Variants in NKAIN2 observed in about 807,000 individuals in gnomAD.
NKAIN2 encodes sodium/potassium-transporting ATPase subunit beta-1-interacting protein 2.
NKAIN2 carries 14 observed loss-of-function variants against 32.6 expected under a neutral mutation model. That is an observed-to-expected ratio of 0.43 (90% confidence interval 0.28 to 0.67). The LOEUF is 0.67. Among genes scored for constraint, NKAIN2 ranks in the 30% least tolerant of loss-of-function variants. NKAIN2 has a pLI of 0.17. For missense variants in NKAIN2, 198 were observed against 258.3 expected (o/e 0.77, Z 1.60); for synonymous variants, 80 against 87.2 (o/e 0.92, Z 0.46).
chr6:124,420,947 A>G (rs1774718023), intron 3 of NKAIN2, among the ~76,000 whole-genome samples: 2 of 152,008 alleles, frequency 1.3e-5, no homozygotes, highest in South Asian at 2.1e-4. Context: ...GCTGCAATAA[A>G]TATTTCACCA....
intron 1 of NKAIN2, among the ~76,000 whole-genome samples, chr6:124,005,862 C>G (rs959198758): frequency 1.3e-5 from 2 of 152,180 alleles, no homozygotes; most frequent in African/African-American, 4.8e-5. Context: ...CTAACCTTGT[C>G]AATTCCCCCT....
At chr6:124,595,608 T>C (rs1353334961) in intron 3 of NKAIN2, among the ~76,000 whole-genome samples, 1 of 152,182 alleles carries the variant, frequency 6.6e-6, no homozygotes, top group Non-Finnish European at 1.5e-5. Context: ...TGAAATTATT[T>C]TTTGCCAAGA....
At chr6:124,103,114 T>TA (rs1324579137) in intron 1 of NKAIN2, among the ~76,000 whole-genome samples, 2 of 152,128 alleles carry the variant, frequency 1.3e-5, no homozygotes, top group African/African-American at 4.8e-5. Context: ...ATCTGTAAAA[T>TA]AAAAATGTGG....
chr6:123,828,459 T>C (rs1387270439), intron 1 of NKAIN2, among the ~76,000 whole-genome samples: 1 of 152,110 alleles, frequency 6.6e-6, no homozygotes, highest in Non-Finnish European at 1.5e-5. Flanking sequence ...TTCTGGAAGG[T>C]TTCCCTTGAA....
intron 3 of NKAIN2, among the ~76,000 whole-genome samples, chr6:124,592,481 A>G (rs73573311): frequency 0.015 from 2,221 of 152,308 alleles, 50 homozygotes; most frequent in African/African-American, 0.05. Flanking sequence ...AATCTTTTGC[A>G]TAATTATTTT....
chr6:124,580,881 A>G (rs1374922463), intron 3 of NKAIN2, among the ~76,000 whole-genome samples: 3 of 152,228 alleles, frequency 2.0e-5, no homozygotes, highest in South Asian at 2.1e-4. Flanking sequence ...AAAACAAAAC[A>G]GAAATAGCTA....
chr6:123,883,066 G>A (rs1038432845), intron 1 of NKAIN2, among the ~76,000 whole-genome samples: 1 of 152,112 alleles, frequency 6.6e-6, no homozygotes, highest in Non-Finnish European at 1.5e-5. Flanking sequence ...GTAATCCCCA[G>A]TGTTGGAAGA....
At chr6:123,979,219 A>T (rs1198810597) in intron 1 of NKAIN2, among the ~76,000 whole-genome samples, 1 of 152,194 alleles carries the variant, frequency 6.6e-6, no homozygotes, top group Non-Finnish European at 1.5e-5. Flanking sequence ...ATTTTTAAAG[A>T]AATATTTTAA....
chr6:124,068,627 G>A (rs1052779093), intron 1 of NKAIN2, among the ~76,000 whole-genome samples: 4 of 151,976 alleles, frequency 2.6e-5, no homozygotes, highest in African/African-American at 9.7e-5. Context: ...GAGCCTAGCC[G>A]TGGCTAGCAG....
chr6:124,031,550 G>T (rs1384404271), intron 1 of NKAIN2, among the ~76,000 whole-genome samples: 2 of 152,096 alleles, frequency 1.3e-5, no homozygotes, highest in Non-Finnish European at 2.9e-5. Context: ...GACATTTAGT[G>T]CTATAAATTT....
At chr6:124,008,574 G>T (rs1320466830) in intron 1 of NKAIN2, among the ~76,000 whole-genome samples, 1 of 152,100 alleles carries the variant, frequency 6.6e-6, no homozygotes, top group Non-Finnish European at 1.5e-5. Flanking sequence ...CCTCCGAGAA[G>T]ACCAGCCTTG....
intron 1 of NKAIN2, among the ~76,000 whole-genome samples, chr6:124,079,136 A>G (rs201455717): frequency 6.6e-6 from 1 of 152,062 alleles, no homozygotes; most frequent in Non-Finnish European, 1.5e-5. Flanking sequence ...AGCCTGGCCA[A>G]CATGGTGAAA....
At chr6:124,450,160 C>T (rs902866221) in intron 3 of NKAIN2, among the ~76,000 whole-genome samples, 3 of 152,102 alleles carry the variant, frequency 2.0e-5, no homozygotes, top group South Asian at 2.1e-4. Context: ...TTCATCCTTT[C>T]GTGTTTATCC....
At chr6:124,610,616 A>G (rs937145241) in intron 3 of NKAIN2, among the ~76,000 whole-genome samples, 1 of 152,034 alleles carries the variant, frequency 6.6e-6, no homozygotes, top group African/African-American at 2.4e-5. Context: ...CACGCTTCAT[A>G]TTTCTGGGTT....
At chr6:124,675,652 G>T (rs192111814) in intron 4 of NKAIN2, among the ~76,000 whole-genome samples, 13 of 152,022 alleles carry the variant, frequency 8.6e-5, no homozygotes, top group African/African-American at 3.1e-4. Context: ...ATTATTCATG[G>T]TAGTCTCTTA....
chr6:124,396,464 AT>A (rs1176825408), intron 3 of NKAIN2, among the ~76,000 whole-genome samples: 2 of 151,756 alleles, frequency 1.3e-5, no homozygotes, highest in Non-Finnish European at 2.9e-5. Context: ...AAGAGATTCA[AT>A]GAGGCTTGGA....
chr6:124,216,899 C>T (rs1245129041), intron 1 of NKAIN2, among the ~76,000 whole-genome samples: 1 of 152,124 alleles, frequency 6.6e-6, no homozygotes, highest in African/African-American at 2.4e-5. Flanking sequence ...AGCAATGGTT[C>T]ATGTGGATAA....
At chr6:124,176,268 C>G (rs1266835878) in intron 1 of NKAIN2, among the ~76,000 whole-genome samples, 1 of 152,112 alleles carries the variant, frequency 6.6e-6, no homozygotes, top group South Asian at 2.1e-4. Context: ...CTCATGGTTA[C>G]TACAGACCTT....
intron 2 of NKAIN2, among the ~76,000 whole-genome samples, chr6:124,348,740 TGGGCACA>T (rs1232097452): frequency 2.0e-5 from 3 of 152,204 alleles, no homozygotes; most frequent in Non-Finnish European, 4.4e-5. Context: ...TGCCAGACAG[TGGGCACA>T]GGTCAGTGGG....
Sources: allele counts gnomAD v4.1 joint callset (sites outside exome capture counted in the v4.1 genomes callset), GRCh38; gene constraint gnomAD v4.1.1; transcripts MANE v1.5; gene names NCBI Gene and HGNC (gene_info 2026-07-23, HGNC 2026-07-21).